The following TRIM13 variants were observed in gnomAD, a reference collection of about 807,000 sequenced individuals.
TRIM13 encodes the protein tripartite motif containing 13.
A neutral mutation model predicts 27.1 loss-of-function variants in TRIM13; 15 were observed. The observed-to-expected ratio is 0.55, with a 90% CI of 0.37 to 0.85. The LOEUF is 0.85. TRIM13 is among the 40% of genes least tolerant of loss of function. The pLI is 0.00. For missense variants in TRIM13, 402 were observed against 472.2 expected (o/e 0.85, Z 1.38); for synonymous variants, 193 against 171.5 (o/e 1.13, Z -0.98).
intron 1 of TRIM13, among the ~76,000 whole-genome samples, chr13:50,009,086 C>CT: frequency 6.9e-6 from 1 of 145,676 alleles, no homozygotes; most frequent in East Asian, 2.0e-4. Flanking sequence ...GATATTTACT[C>CT]TATTAGAAAT....
chr13:49,999,362 G>A (rs917427540), intron 1 of TRIM13, among the ~76,000 whole-genome samples: 2 of 152,000 alleles, frequency 1.3e-5, no homozygotes, highest in Admixed American at 6.6e-5. Flanking sequence ...CCCCAAACCC[G>A]GAGACCCTCT....
intron 1 of TRIM13, among the ~76,000 whole-genome samples, chr13:50,005,331 T>C (rs1771037355): frequency 6.6e-6 from 1 of 152,078 alleles, no homozygotes; most frequent in East Asian, 1.9e-4. Flanking sequence ...TATTAGTCAC[T>C]TGTGGAAGTG....
intron 1 of TRIM13, among the ~76,000 whole-genome samples, chr13:50,001,596 T>C (rs1156303596): frequency 6.6e-6 from 1 of 150,754 alleles, no homozygotes; most frequent in East Asian, 1.9e-4. Flanking sequence ...AAAGGTTGGT[T>C]ACTTACTGTC....
At chr13:50,010,038 ATCTT>A (rs770837663) in intron 1 of TRIM13, among the ~76,000 whole-genome samples, 1 of 143,236 alleles carries the variant, frequency 7.0e-6, no homozygotes, top group Non-Finnish European at 1.5e-5. Context: ...AGGTAATTTA[ATCTT>A]TTTTTTTTTT....
rs1395768385 is a variant in TRIM13, at chr13:50,015,087, AAAAAAAAATATATATATATATATAT to A, written c.*1925_*1949del. ...CCCCTCCCAGTAATAAAAAAAAAAAAAAAAAAAATATATATATATATATATATATATATATATATATATATATATA... is the reference window on the plus strand; with the variant it reads ...CCCCTCCCAGTAATAAAAAAAAAAAAATATATATATATATATATATATATA... On this transcript the variant is annotated 3_prime_UTR_variant, in exon 2 of 2. Coordinates refer to ENST00000378182, the MANE Select transcript of TRIM13 (RefSeq NM_213590.3). The A allele has an allele frequency of 3.3e-4, 18 of 54,798 alleles. 1 individual carries two copies. The South Asian group carries it at 4.2e-3, about 13-fold the overall frequency. 3.4% of individuals were successfully genotyped at this position (54,798 alleles called of 1,614,324 possible). A position where few individuals can be genotyped will look rare whatever the true frequency, so the allele number is the denominator to read the frequency against.
intron 1 of TRIM13, among the ~76,000 whole-genome samples, chr13:50,006,826 C>A (rs1406052278): frequency 1.3e-5 from 2 of 152,050 alleles, no homozygotes; most frequent in African/African-American, 4.8e-5. Context: ...ACAGAATAAT[C>A]TTTGCTTTAG....
intron 1 of TRIM13, among the ~76,000 whole-genome samples, chr13:50,007,337 C>T (rs1195494916): frequency 6.8e-6 from 1 of 147,988 alleles, no homozygotes; most frequent in African/African-American, 2.5e-5. Flanking sequence ...AAAAATACAA[C>T]AAAATTAGCC....
intron 1 of TRIM13, among the ~76,000 whole-genome samples, chr13:50,010,449 C>T (rs1875490989): frequency 2.6e-5 from 4 of 152,134 alleles, no homozygotes; most frequent in Admixed American, 6.5e-5. Context: ...GTTGGTCTTT[C>T]GTGAACTTCA....
rs1594593494 is a variant in TRIM13, at chr13:50,015,595, G to A, written c.*2431G>A. ...TTCCTGCTTCTCGTTTGGCACGCAT[G>A]TTAGATGGCAGAGACCAAGAATTCA... On this transcript the variant is annotated 3_prime_UTR_variant, in exon 2 of 2. Coordinates refer to ENST00000378182, the MANE Select transcript of TRIM13 (RefSeq NM_213590.3). 9.9e-6 allele frequency: 16 copies of A among 1,614,168 alleles called. No individual in the cohort carries two copies. In the East Asian group the frequency reaches 3.1e-4, roughly 31 times the overall value.
At chr13:50,002,949 ATGCACC>A (rs1413134988) in intron 1 of TRIM13, among the ~76,000 whole-genome samples, 1 of 152,018 alleles carries the variant, frequency 6.6e-6, no homozygotes, top group Non-Finnish European at 1.5e-5. Context: ...GCATGAGCCA[ATGCACC>A]TGGCCTAATG....
At chr13:50,006,683 A>G (rs1874752495) in intron 1 of TRIM13, among the ~76,000 whole-genome samples, 1 of 152,112 alleles carries the variant, frequency 6.6e-6, no homozygotes, top group Non-Finnish European at 1.5e-5. Flanking sequence ...TCAGAAGACA[A>G]ACTAAGTTGA....
At chr13:50,010,270 T>C (rs1347690686) in intron 1 of TRIM13, among the ~76,000 whole-genome samples, 2 of 152,080 alleles carry the variant, frequency 1.3e-5, no homozygotes, top group Non-Finnish European at 2.9e-5. Flanking sequence ...CCCGTACTGG[T>C]CGTGAACTCC....
intron 1 of TRIM13, among the ~76,000 whole-genome samples, chr13:50,007,422 C>T (rs1874882164): frequency 6.9e-6 from 1 of 143,930 alleles, no homozygotes; most frequent in Non-Finnish European, 1.5e-5. Context: ...ACCTGGGCAG[C>T]AGAGATTGCA....
At chr13:50,011,363 C>T (rs1478478160) in intron 1 of TRIM13, among the ~76,000 whole-genome samples, 1 of 152,192 alleles carries the variant, frequency 6.6e-6, no homozygotes, top group Non-Finnish European at 1.5e-5. Flanking sequence ...TCATTTAGTT[C>T]TCTACCTAGA....
At position 50,015,059 on chromosome 13, in the gene TRIM13, T is replaced by C. The variant is rs1187099573; in HGVS notation, c.*1895T>C. The C allele has an allele frequency of 2.2e-5, 3 of 134,440 alleles. No homozygotes were observed. 8.3% of individuals were successfully genotyped at this position (134,440 alleles called of 1,614,324 possible). Reference sequence around the variant, plus strand: ...GACAGGTATGGGGAGGGAGAATGCTTTTCCCCTCCCAGTAATAAAAAAAAA... The same window carrying C: ...GACAGGTATGGGGAGGGAGAATGCTCTTCCCCTCCCAGTAATAAAAAAAAA... On this transcript the variant is annotated 3_prime_UTR_variant, in exon 2 of 2. Transcript: ENST00000378182.
At position 50,014,332 on chromosome 13, in the gene TRIM13, A is replaced by T. The variant is rs1462002472; in HGVS notation, c.*1168A>T. On this transcript the variant is annotated 3_prime_UTR_variant, in exon 2 of 2. Transcript: ENST00000378182. ...CTCTACCAAAAAAAAAAAAAAAAAAAAAAAAAAAAAAAATATATATATATA... is the reference window on the plus strand; with the variant it reads ...CTCTACCAAAAAAAAAAAAAAAAAATAAAAAAAAAAAAATATATATATATA... 3.1e-5 allele frequency: 2 copies of T among 64,170 alleles called. No individual in the cohort carries two copies. The highest frequency in any genetic ancestry group is 1.2e-4 in the African/African-American group (2 of 17,196). 4.0% of individuals were successfully genotyped at this position (64,170 alleles called of 1,614,324 possible).
chr13:50,002,073 A>G (rs761815699), intron 1 of TRIM13, among the ~76,000 whole-genome samples: 13 of 152,110 alleles, frequency 8.5e-5, no homozygotes, highest in Admixed American at 2.6e-4. Context: ...CCAGTAATAC[A>G]TTAAAAAAAA....
At chr13:50,008,707 A>C (rs2760915) in intron 1 of TRIM13, among the ~76,000 whole-genome samples, 59 of 152,202 alleles carry the variant, frequency 3.9e-4, no homozygotes, top group Non-Finnish European at 7.4e-4. Flanking sequence ...GATCTCAAAT[A>C]TTTTGGTCTT....
At chr13:49,999,369 C>T (rs1300368894) in intron 1 of TRIM13, among the ~76,000 whole-genome samples, 1 of 152,148 alleles carries the variant, frequency 6.6e-6, no homozygotes, top group Admixed American at 6.6e-5. Context: ...CCCGGAGACC[C>T]TCTCTTGGGT....
Sources: gnomAD v4.1 joint callset for allele counts (sites outside exome capture counted in the v4.1 genomes callset) on GRCh38, gnomAD v4.1.1 for gene constraint, MANE v1.5 for transcripts, NCBI Gene and HGNC (gene_info 2026-07-23, HGNC 2026-07-21) for gene names.